Variants in PCDH7 observed in about 807,000 individuals in gnomAD.
The protein encoded by PCDH7 is protocadherin 7.
PCDH7 carries 17 observed loss-of-function variants against 58.9 expected under a neutral mutation model. The observed-to-expected ratio is 0.29, with a 90% CI of 0.20 to 0.43. The LOEUF is 0.43. Ranked by LOEUF, PCDH7 falls within the 20% of genes least tolerant of loss-of-function variation. The pLI, the probability that PCDH7 is intolerant of heterozygous loss-of-function variation, is 1.00. For synonymous variants in PCDH7, 664 were observed against 616.4 expected, an observed-to-expected ratio of 1.08 and a Z score of -1.14; for missense variants, 1,274 against 1,441.0, an observed-to-expected ratio of 0.88 and a Z score of 1.88.
chr4:30,816,865 G>A (rs1445460671), intron 1 of PCDH7, among the ~76,000 whole-genome samples: 2 of 152,058 alleles, frequency 1.3e-5, no homozygotes, highest in African/African-American at 2.4e-5. Context: ...TTACTCTTTG[G>A]TCTTGATATT....
intron 3 of PCDH7, among the ~76,000 whole-genome samples, chr4:31,108,773 A>G (rs1306386663): frequency 1.3e-5 from 2 of 152,204 alleles, no homozygotes; most frequent in Non-Finnish European, 2.9e-5. Flanking sequence ...CATTATATGC[A>G]TTAGTCATAT....
intron 1 of PCDH7, among the ~76,000 whole-genome samples, chr4:30,895,674 T>A (rs770118944): frequency 5.9e-5 from 9 of 151,972 alleles, no homozygotes; most frequent in Admixed American, 5.9e-4. Flanking sequence ...TCCCAGGATA[T>A]GAAAAAAATC....
At chr4:31,060,569 T>C (rs1439176820) in intron 3 of PCDH7, among the ~76,000 whole-genome samples, 2 of 151,786 alleles carry the variant, frequency 1.3e-5, no homozygotes, top group African/African-American at 4.8e-5. Flanking sequence ...GTTACTTCTA[T>C]GTATATTTTT....
At chr4:30,862,520 T>C (rs1020173028) in intron 1 of PCDH7, among the ~76,000 whole-genome samples, 1 of 152,172 alleles carries the variant, frequency 6.6e-6, no homozygotes, top group Admixed American at 6.6e-5. Flanking sequence ...ATTGGAAGTG[T>C]GTACATAGTG....
rs145538658 is a variant in PCDH7, at chr4:30,771,415, C to T, written c.70+46819C>T. 8.5e-5 allele frequency among the ~76,000 whole-genome samples: 13 copies of T among 152,214 alleles called. No individual in the cohort carries two copies. In the East Asian group the frequency reaches 2.3e-3, roughly 27 times the overall value. ...TTGGCTGTGCCCACCTTCAGAAAAGCCATAATTTGATTCTAGGATCTGGGT... is the reference window on the plus strand; with the variant it reads ...TTGGCTGTGCCCACCTTCAGAAAAGTCATAATTTGATTCTAGGATCTGGGT... On this transcript the variant is annotated intron_variant, in intron 1 of 3. Coordinates refer to the PCDH7 transcript ENST00000509759.
intron 3 of PCDH7, among the ~76,000 whole-genome samples, chr4:31,063,539 A>T (rs915267984): frequency 2.6e-5 from 4 of 151,786 alleles, no homozygotes; most frequent in Non-Finnish European, 5.9e-5. Context: ...TGGGAAATGT[A>T]TTATTTTCCT....
At chr4:30,951,061 T>C (rs558615926) in intron 3 of PCDH7, among the ~76,000 whole-genome samples, 1 of 152,286 alleles carries the variant, frequency 6.6e-6, no homozygotes, top group East Asian at 1.9e-4. Flanking sequence ...CTTGTGACTC[T>C]CTCAGGTTCT....
chr4:31,141,256 T>C (rs1578906213), intron 3 of PCDH7, among the ~76,000 whole-genome samples: 1 of 152,256 alleles, frequency 6.6e-6, no homozygotes, highest in East Asian at 1.9e-4. Flanking sequence ...TATGCACATC[T>C]CACTGATTCC....
chr4:30,802,080 G>A (rs1725596198), intron 1 of PCDH7, among the ~76,000 whole-genome samples: 1 of 152,154 alleles, frequency 6.6e-6, no homozygotes, highest in Admixed American at 6.6e-5. Context: ...TGTTAAAATT[G>A]TATTGTGTAA....
intron 1 of PCDH7, among the ~76,000 whole-genome samples, chr4:30,912,643 C>G (rs891112693): frequency 6.6e-6 from 1 of 152,212 alleles, no homozygotes; most frequent in South Asian, 2.1e-4. Flanking sequence ...ATTTAAAGTT[C>G]CCAATAAAGT....
chr4:30,994,141 A>G (rs896951903), intron 3 of PCDH7, among the ~76,000 whole-genome samples: 2 of 152,240 alleles, frequency 1.3e-5, no homozygotes, highest in Non-Finnish European at 2.9e-5. Context: ...ATTGATTCTT[A>G]TAATCTACAA....
At chr4:30,888,534 C>A (rs1738160818) in intron 1 of PCDH7, among the ~76,000 whole-genome samples, 1 of 152,232 alleles carries the variant, frequency 6.6e-6, no homozygotes, top group East Asian at 1.9e-4. Context: ...ACTCTAAAAA[C>A]AGAACAAATT....
chr4:30,725,782 A>G (rs1208846782), intron 1 of PCDH7, among the ~76,000 whole-genome samples: 2 of 152,142 alleles, frequency 1.3e-5, no homozygotes, highest in African/African-American at 4.8e-5. Flanking sequence ...GAGGCAAAGG[A>G]AAAAGTTATT....
Position 30,721,654 on chromosome 4 carries a change from G to T in PCDH7, c.232G>T (p.Asp78Tyr). The T allele has an allele frequency of 6.2e-7, 1 of 1,613,926 alleles. No individual in the cohort carries two copies. The change falls in exon 1 of 2, where the codon GAC (aspartate) becomes TAC (tyrosine). Residue 78 changes from aspartate (D) to tyrosine (Y), a missense_variant. By Grantham distance (160) the Asp-to-Tyr change is radical. This residue lies in a region of PCDH7 where 212 missense variants were observed against 255.8 expected (regional missense o/e 0.83). Coordinates refer to ENST00000361762, the Ensembl canonical transcript of PCDH7. The surrounding 1 kb of genome is among the most constrained non-coding windows in gnomAD (Gnocchi z 6.7). Reference sequence around the variant, plus strand: ...GTCCGGTTCCGAGTACCTGAAGATCGACAACCTCACTGGCGAGCTGAGCAC... The same window carrying T: ...GTCCGGTTCCGAGTACCTGAAGATCTACAACCTCACTGGCGAGCTGAGCAC...
intron 3 of PCDH7, among the ~76,000 whole-genome samples, chr4:31,102,673 CAAAA>C (rs765391662): frequency 1.0e-5 from 1 of 96,182 alleles, no homozygotes; most frequent in African/African-American, 3.9e-5. Context: ...AACTCCATCT[CAAAA>C]AAAAAAAAAA....
chr4:30,865,739 C>G (rs1734795703), intron 1 of PCDH7, among the ~76,000 whole-genome samples: 1 of 152,114 alleles, frequency 6.6e-6, no homozygotes, highest in South Asian at 2.1e-4. Flanking sequence ...CCTTCTATCT[C>G]TCTAACATAG....
intron 3 of PCDH7, among the ~76,000 whole-genome samples, chr4:31,118,571 C>A (rs1392856204): frequency 6.6e-6 from 1 of 151,970 alleles, no homozygotes; most frequent in Non-Finnish European, 1.5e-5. Context: ...AAAAGAAAAA[C>A]AGGATGTCAA....
chr4:30,808,574 C>T (rs1402639998), intron 1 of PCDH7, among the ~76,000 whole-genome samples: 2 of 152,058 alleles, frequency 1.3e-5, no homozygotes, highest in African/African-American at 2.4e-5. Flanking sequence ...ATTCATCCTC[C>T]CTTCTGTTTT....
intron 1 of PCDH7, among the ~76,000 whole-genome samples, chr4:30,909,094 A>G (rs1741383139): frequency 6.6e-6 from 1 of 152,210 alleles, no homozygotes; most frequent in Admixed American, 6.5e-5. Flanking sequence ...TGATTATCTC[A>G]ATGGATGCAA....
Sources: gnomAD v4.1 joint callset for allele counts (sites outside exome capture counted in the v4.1 genomes callset) on GRCh38, gnomAD v4.1.1 for gene constraint, gnomAD v4.1.1 regional missense constraint, Gnocchi (gnomAD v3.1) non-coding constraint, MANE v1.5 for transcripts, NCBI Gene and HGNC (gene_info 2026-07-23, HGNC 2026-07-21) for gene names.